The following GLRA3 variants were observed in gnomAD, a reference collection of about 807,000 sequenced individuals.
GLRA3 encodes the protein glycine receptor subunit alpha-3.
Under a neutral mutation model 60.4 loss-of-function variants are expected in GLRA3, and 44 were observed. The observed-to-expected ratio is 0.73, with a 90% confidence interval of 0.57 to 0.94. The LOEUF is 0.94. Ranked by LOEUF, GLRA3 falls within the 40% of genes least tolerant of loss-of-function variation. GLRA3 has a pLI of 0.00. For synonymous variants in GLRA3, 223 were observed against 192.9 expected (o/e 1.16, Z -1.29); for missense variants, 508 against 564.6 (o/e 0.90, Z 1.02).
At chr4:174,811,127 G>A (rs1175445664) in intron 1 of GLRA3, among the ~76,000 whole-genome samples, 2 of 146,136 alleles carry the variant, frequency 1.4e-5, no homozygotes, top group Non-Finnish European at 3.0e-5. Context: ...AGAGATGCAT[G>A]CACTCACACA....
At chr4:174,814,193 C>T (rs1579649804) in intron 1 of GLRA3, among the ~76,000 whole-genome samples, 1 of 152,284 alleles carries the variant, frequency 6.6e-6, no homozygotes, top group East Asian at 1.9e-4. Context: ...TTGCACTTGC[C>T]TTCTTAGTAC....
At chr4:174,721,503 T>C (rs960598350) in intron 4 of GLRA3, among the ~76,000 whole-genome samples, 4 of 150,482 alleles carry the variant, frequency 2.7e-5, no homozygotes, top group Non-Finnish European at 4.4e-5. Flanking sequence ...CAAGTAATAA[T>C]TATGTTACAA....
At chr4:174,653,879 A>G (rs1380443431) in intron 9 of GLRA3, among the ~76,000 whole-genome samples, 2 of 152,104 alleles carry the variant, frequency 1.3e-5, no homozygotes, top group Non-Finnish European at 2.9e-5. Flanking sequence ...TTTTCAGAGA[A>G]TATAGCTATA....
chr4:174,782,700 A>G (rs1030377882), intron 2 of GLRA3, among the ~76,000 whole-genome samples: 2 of 152,372 alleles, frequency 1.3e-5, no homozygotes, highest in South Asian at 2.1e-4. Flanking sequence ...CCAAATCATG[A>G]GTGAAATCCC....
At chr4:174,645,237 C>T (rs1732768210) in intron 9 of GLRA3, among the ~76,000 whole-genome samples, 1 of 151,806 alleles carries the variant, frequency 6.6e-6, no homozygotes, top group Non-Finnish European at 1.5e-5. Flanking sequence ...TATGCTGAAA[C>T]ACCATCTCTA....
chr4:174,814,209 T>C lies in GLRA3; in HGVS notation c.71+14532A>G, dbSNP rs112919763. Among the ~76,000 whole-genome samples, 947 of 152,186 alleles carry C rather than the reference T, an allele frequency of 6.2e-3. 11 individuals carry two copies. Among genetic ancestry groups the C allele is most frequent in the African/African-American group, 0.022 (904 of 41,518 alleles). On this transcript the variant is annotated intron_variant, in intron 1 of 9. Transcript: ENST00000274093. ...TGCACTTGCCTTCTTAGTACCTGAG[T>C]TCTTGATGGCATCCAGGAAGAATCA...
chr4:174,700,513 C>T (rs757035165), intron 5 of GLRA3, among the ~76,000 whole-genome samples: 3 of 152,082 alleles, frequency 2.0e-5, no homozygotes, highest in Non-Finnish European at 4.4e-5. Context: ...TTAATAACTA[C>T]GAAGACCTTT....
At chr4:174,804,435 G>A (rs1366193237) in intron 1 of GLRA3, among the ~76,000 whole-genome samples, 1 of 152,066 alleles carries the variant, frequency 6.6e-6, no homozygotes, top group Non-Finnish European at 1.5e-5. Flanking sequence ...CAATTCTAGT[G>A]GTCAGGAAGA....
At chr4:174,719,098 G>T (rs1343015526) in intron 4 of GLRA3, among the ~76,000 whole-genome samples, 1 of 151,150 alleles carries the variant, frequency 6.6e-6, no homozygotes, top group African/African-American at 2.4e-5. Flanking sequence ...CGAGTAGCTG[G>T]GACTACAGGC....
At chr4:174,792,897 G>T (rs1019847884) in intron 1 of GLRA3, among the ~76,000 whole-genome samples, 2 of 152,122 alleles carry the variant, frequency 1.3e-5, no homozygotes, top group African/African-American at 4.8e-5. Flanking sequence ...CTGCCAGGTT[G>T]TGGACTTTTC....
chr4:174,814,683 G>T (rs535217230), intron 1 of GLRA3, among the ~76,000 whole-genome samples: 56 of 152,284 alleles, frequency 3.7e-4, no homozygotes, highest in African/African-American at 1.3e-3. Context: ...GAGAGCTTGT[G>T]CAGGGAAATT....
intron 5 of GLRA3, among the ~76,000 whole-genome samples, chr4:174,708,717 A>G (rs1225051333): frequency 2.0e-5 from 3 of 148,248 alleles, no homozygotes; most frequent in Non-Finnish European, 4.4e-5. Flanking sequence ...GTAATAGTTT[A>G]TGCACCATGT....
chr4:174,771,227 TATA>T (rs1439337817), intron 2 of GLRA3, among the ~76,000 whole-genome samples: 1 of 151,966 alleles, frequency 6.6e-6, no homozygotes, highest in Non-Finnish European at 1.5e-5. Context: ...AAACTTAAAG[TATA>T]ATAATGATAA....
At chr4:174,822,672 A>G (rs1213881901) in intron 1 of GLRA3, among the ~76,000 whole-genome samples, 4 of 152,194 alleles carry the variant, frequency 2.6e-5, no homozygotes, top group Non-Finnish European at 5.9e-5. Flanking sequence ...GTATAATATT[A>G]TCAGAAATAT....
At chr4:174,697,390 T>C in intron 5 of GLRA3, among the ~76,000 whole-genome samples, 1 of 152,228 alleles carries the variant, frequency 6.6e-6, no homozygotes, top group East Asian at 1.9e-4. Context: ...ATGCTCACTC[T>C]TGGCACATGC....
At chr4:174,723,036 AT>A (rs1736189740) in intron 4 of GLRA3, 1 of 167,082 alleles carries the variant, frequency 6.0e-6, no homozygotes, top group Non-Finnish European at 1.5e-5. Context: ...TTTCTTCAAA[AT>A]ATTAGAAGAA....
In GLRA3 at chr4:174,788,864, T is replaced by C. The variant is rs1161197992; in HGVS notation, c.151A>G (p.Met51Val). 1.9e-6 allele frequency: 3 copies of C among 1,609,408 alleles called. No homozygotes were observed. In the South Asian group the frequency reaches 3.3e-5, roughly 18 times the overall value. ...GCATCATATCCTGATGTCCTGCCCA[T>C]TAATTTATCCAGAAAATCAGAAGGT... ...MSPSDFLDKL[M>V]GRTSGYDARI... The change falls in exon 2 of 10, where the codon ATG becomes GTG. Residue 51 changes from methionine (M) to valine (V), a missense_variant. By Grantham distance (21) the Met-to-Val change is conservative. This residue lies in a region of GLRA3 where 329 missense variants were observed against 349.3 expected (regional missense o/e 0.94). Transcript: ENST00000274093.
At chr4:174,719,169 T>A (rs1736046062) in intron 4 of GLRA3, among the ~76,000 whole-genome samples, 2 of 151,700 alleles carry the variant, frequency 1.3e-5, no homozygotes, top group African/African-American at 4.8e-5. Flanking sequence ...TTCACCGTGT[T>A]AGCCAGGATG....
chr4:174,822,769 G>A (rs1740791990), intron 1 of GLRA3, among the ~76,000 whole-genome samples: 1 of 152,180 alleles, frequency 6.6e-6, no homozygotes, highest in South Asian at 2.1e-4. Flanking sequence ...CATCGGAAAT[G>A]CTTCCATTCA....
Sources: gnomAD v4.1 joint callset for allele counts (sites outside exome capture counted in the v4.1 genomes callset) on GRCh38, gnomAD v4.1.1 for gene constraint, gnomAD v4.1.1 regional missense constraint, MANE v1.5 for transcripts, NCBI Gene and HGNC (gene_info 2026-07-23, HGNC 2026-07-21) for gene names.